EML5: variants seen among roughly 807,000 people sequenced by gnomAD.
The protein encoded by EML5 is EMAP like 5.
Under a neutral mutation model 250.0 loss-of-function variants are expected in EML5, and 120 were observed. The ratio of observed to expected loss-of-function variants is 0.48; its 90% CI spans 0.41 to 0.56. The LOEUF (loss-of-function observed/expected upper bound fraction) is 0.56. Among genes scored for constraint, EML5 ranks in the 20% least tolerant of loss-of-function variants. The pLI, the probability that EML5 is intolerant of heterozygous loss-of-function variation, is 0.00. For synonymous variants in EML5, 771 were observed against 806.5 expected (o/e 0.96, Z 0.75); for missense variants, 2,006 against 2,437.6 (o/e 0.82, Z 3.73).
chr14:88,673,359 A>G (rs1214359327), intron 21 of EML5, among the ~76,000 whole-genome samples: 2 of 152,240 alleles, frequency 1.3e-5, no homozygotes, highest in African/African-American at 4.8e-5. Flanking sequence ...AAAATTCTCA[A>G]TAAACTAGGT....
At chr14:88,702,177 T>TA (rs1325352975) in intron 14 of EML5, among the ~76,000 whole-genome samples, 3 of 152,056 alleles carry the variant, frequency 2.0e-5, no homozygotes, top group African/African-American at 7.2e-5. Flanking sequence ...TTTACTAATT[T>TA]AAAAAATTAA....
intron 28 of EML5, among the ~76,000 whole-genome samples, chr14:88,647,335 T>G (rs1191109925): frequency 6.6e-6 from 1 of 151,442 alleles, no homozygotes; most frequent in Non-Finnish European, 1.5e-5. Context: ...GCCACTGCAC[T>G]GCAGCCTGGG....
chr14:88,673,279 C>G (rs955334808), intron 21 of EML5, among the ~76,000 whole-genome samples: 1 of 152,186 alleles, frequency 6.6e-6, no homozygotes, highest in Non-Finnish European at 1.5e-5. Flanking sequence ...GATCTAAAGA[C>G]AAAGACCATA....
chr14:88,749,485 C>G (rs1425965024), intron 2 of EML5, among the ~76,000 whole-genome samples: 1 of 152,026 alleles, frequency 6.6e-6, no homozygotes, highest in African/African-American at 2.4e-5. Flanking sequence ...AAACAACTTA[C>G]ACATATGAGA....
chr14:88,637,518 A>G (rs1228904347), intron 32 of EML5, among the ~76,000 whole-genome samples: 1 of 152,152 alleles, frequency 6.6e-6, no homozygotes, highest in East Asian at 1.9e-4. Context: ...AAGGTGGGAA[A>G]TGAAAGAACC....
intron 17 of EML5, among the ~76,000 whole-genome samples, chr14:88,691,067 G>A (rs1297861665): frequency 1.3e-5 from 2 of 152,184 alleles, no homozygotes; most frequent in Non-Finnish European, 2.9e-5. Context: ...CCACCTACAA[G>A]CTAGAGACTC....
intron 36 of EML5, chr14:88,623,614 A>G (rs2089453643): frequency 2.0e-5 from 3 of 151,676 alleles, no homozygotes; most frequent in African/African-American, 7.3e-5. Flanking sequence ...GAGTTTCACC[A>G]TATTGGCCAG....
chr14:88,745,611 G>T (rs78611599), intron 3 of EML5, among the ~76,000 whole-genome samples: 2,730 of 152,152 alleles, frequency 0.018, 80 homozygotes, highest in African/African-American at 0.061. Context: ...TAACAAATTA[G>T]TGGTAAACCA....
At chr14:88,747,974 G>T (rs10498617) in intron 2 of EML5, among the ~76,000 whole-genome samples, 3,540 of 152,086 alleles carry the variant, frequency 0.023, 137 homozygotes, top group African/African-American at 0.082. Flanking sequence ...GTAAAGCACT[G>T]TGAACCCTGA....
At chr14:88,724,273 CAAA>C (rs1158845753) in intron 8 of EML5, among the ~76,000 whole-genome samples, 42 of 80,722 alleles carry the variant, frequency 5.2e-4, no homozygotes, top group African/African-American at 1.4e-3. Context: ...GACTCCATAT[CAAA>C]AAAAAAAAAA....
At chr14:88,713,954 C>T (rs557954085) in intron 9 of EML5, among the ~76,000 whole-genome samples, 53 of 151,746 alleles carry the variant, frequency 3.5e-4, no homozygotes, top group Non-Finnish European at 6.9e-4. Flanking sequence ...CCTCCCATCC[C>T]GACCTCCCGA....
At chr14:88,729,614 T>C (rs1162098357) in intron 7 of EML5, among the ~76,000 whole-genome samples, 1 of 152,052 alleles carries the variant, frequency 6.6e-6, no homozygotes, top group Admixed American at 6.6e-5. Flanking sequence ...CAGGCTGTAG[T>C]GCTGGCGCAA....
rs2094620766 is a variant in EML5, at chr14:88,792,480, G to C, written c.24C>G (p.Ser8Arg). The change falls in exon 1 of 44, where the codon AGC becomes AGG. Residue 8 changes from serine (S) to arginine (R), a missense_variant. This residue lies in a region of EML5 where 162 missense variants were observed against 212.2 expected (regional missense o/e 0.76). Coordinates refer to ENST00000554922, the MANE Select transcript of EML5 (RefSeq NM_183387.3). The surrounding 1 kb of genome is among the most constrained non-coding windows in gnomAD (Gnocchi z 6.9). ...ACACCCACTCGAGCCGCAGGTGGCA[G>C]CTCGGGGCGCTCCGGGCCGCCATGT... MAARSAP[S>R]CHLRLEWVYG... The C allele has an allele frequency of 1.4e-6, 2 of 1,461,984 alleles. No homozygotes were observed. Among genetic ancestry groups the C allele is most frequent in the South Asian group, 2.7e-5 (2 of 73,448 alleles). 90.6% of individuals were successfully genotyped at this position (1,461,984 alleles called of 1,614,324 possible). A position where few individuals can be genotyped will look rare whatever the true frequency, so the allele number is the denominator to read the frequency against.
chr14:88,662,982 G>T, intron 24 of EML5, 49 bp downstream of exon 24: 1 of 1,380,232 alleles, frequency 7.2e-7, no homozygotes, highest in Non-Finnish European at 9.9e-7. Context: ...CAGTTTTCTA[G>T]CCACTTTTAT....
At chr14:88,740,637 A>G in intron 4 of EML5, 65 bp from the exon 5 acceptor site, 1 of 1,389,182 alleles carries the variant, frequency 7.2e-7, no homozygotes, top group South Asian at 1.5e-5. Context: ...AAACATTCCC[A>G]ATACTTTGAT....
chr14:88,756,241 A>G (rs771538225), intron 1 of EML5, among the ~76,000 whole-genome samples: 2 of 152,196 alleles, frequency 1.3e-5, no homozygotes, highest in South Asian at 4.1e-4. Flanking sequence ...AACAGAAGAA[A>G]GGTCAAAAAA....
intron 27 of EML5, among the ~76,000 whole-genome samples, chr14:88,654,411 C>A (rs961138159): frequency 1.3e-5 from 2 of 152,160 alleles, no homozygotes; most frequent in East Asian, 3.8e-4. Context: ...CTCCTGTGGG[C>A]ATTTAGTGCT....
Position 88,618,350 on chromosome 14 carries a change from A to G in EML5, c.5539-19T>C, listed in dbSNP as rs779776748. ...TAGAGACCTTTTTCATCAGATTAAA[A>G]TGGGACAAGAATTCCATTAGGTGAG... On this transcript the variant is annotated intron_variant, in intron 40 of 43. Coordinates refer to ENST00000554922, the MANE Select transcript of EML5 (RefSeq NM_183387.3). 1.9e-6 allele frequency: 3 copies of G among 1,605,772 alleles called. No homozygotes were observed. Among genetic ancestry groups the G allele is most frequent in the Non-Finnish European group, 1.7e-6 (2 of 1,173,634 alleles).
chr14:88,757,422 A>G (rs2094175814), intron 1 of EML5, among the ~76,000 whole-genome samples: 1 of 152,136 alleles, frequency 6.6e-6, no homozygotes, highest in Admixed American at 6.6e-5. Context: ...GTGGTTTCTC[A>G]GATATAACAC....
Sources: allele counts gnomAD v4.1 joint callset (sites outside exome capture counted in the v4.1 genomes callset), GRCh38; gene constraint gnomAD v4.1.1; regional missense constraint gnomAD v4.1.1; non-coding constraint Gnocchi (gnomAD v3.1); transcripts MANE v1.5; gene names NCBI Gene and HGNC (gene_info 2026-07-23, HGNC 2026-07-21).